PTPRN2: variants seen among roughly 807,000 people sequenced by gnomAD.
PTPRN2 encodes the protein protein tyrosine phosphatase receptor type N2, also known as receptor-type tyrosine-protein phosphatase N2.
A neutral mutation model predicts 118.8 loss-of-function variants in PTPRN2; 74 were observed. That is an observed-to-expected ratio of 0.62 (90% CI 0.52 to 0.76). The LOEUF (loss-of-function observed/expected upper bound fraction) is 0.76, where lower values mean the gene tolerates loss of function less well. Ranked by LOEUF, PTPRN2 falls within the 30% of genes least tolerant of loss-of-function variation. The pLI, the probability that PTPRN2 is intolerant of heterozygous loss-of-function variation, is 0.00. For synonymous variants in PTPRN2, 641 were observed against 608.0 expected (o/e 1.05, Z -0.80); for missense variants, 1,481 against 1,394.4 (o/e 1.06, Z -0.99).
At chr7:158,080,452 C>T (rs1349961040) in intron 11 of PTPRN2, among the ~76,000 whole-genome samples, 3 of 151,586 alleles carry the variant, frequency 2.0e-5, no homozygotes, top group East Asian at 1.9e-4. Context: ...GGAACGGGAG[C>T]ACCCTGCCTG....
At chr7:157,606,958 T>TAA (rs1563255977) in intron 15 of PTPRN2, among the ~76,000 whole-genome samples, 1 of 152,074 alleles carries the variant, frequency 6.6e-6, no homozygotes, top group Non-Finnish European at 1.5e-5. Context: ...TGGGATAAGA[T>TAA]AAAACATCTA....
chr7:158,065,649 A>G (rs963877884), intron 11 of PTPRN2, among the ~76,000 whole-genome samples: 2 of 152,192 alleles, frequency 1.3e-5, no homozygotes, highest in African/African-American at 4.8e-5. Context: ...GTATTTCACA[A>G]CCAGCGGATA....
chr7:158,058,133 C>T (rs151020419), intron 11 of PTPRN2, among the ~76,000 whole-genome samples: 90 of 152,324 alleles, frequency 5.9e-4, no homozygotes, highest in African/African-American at 1.7e-3. Flanking sequence ...ACTCCATCTG[C>T]GCACGGTGAC....
At chr7:158,204,903 G>A (rs1353179302) in intron 4 of PTPRN2, among the ~76,000 whole-genome samples, 1 of 152,124 alleles carries the variant, frequency 6.6e-6, no homozygotes, top group East Asian at 1.9e-4. Flanking sequence ...TTTCGACCAA[G>A]GCCTTGAAGA....
chr7:158,500,612 A>G (rs1006015135), intron 1 of PTPRN2, among the ~76,000 whole-genome samples: 2 of 152,222 alleles, frequency 1.3e-5, no homozygotes, highest in African/African-American at 4.8e-5. Flanking sequence ...ACTATTCCAA[A>G]GGGCCACGCT....
At chr7:157,713,030 G>A (rs1798726461) in intron 12 of PTPRN2, among the ~76,000 whole-genome samples, 1 of 152,200 alleles carries the variant, frequency 6.6e-6, no homozygotes, top group Non-Finnish European at 1.5e-5. Context: ...CTCACACATG[G>A]GCCACACAGA....
chr7:157,983,431 G>A (rs10949678), intron 11 of PTPRN2, among the ~76,000 whole-genome samples: 113,949 of 140,930 alleles, frequency 0.81, 46,423 homozygotes, highest in East Asian at 0.84. Context: ...ATAGAGATGA[G>A]GAGGGGAATG....
At chr7:158,357,280 T>A (rs1027491865) in intron 2 of PTPRN2, among the ~76,000 whole-genome samples, 2 of 152,130 alleles carry the variant, frequency 1.3e-5, no homozygotes, top group African/African-American at 4.8e-5. Flanking sequence ...CTGCGGCAGG[T>A]CTGTGGGTTC....
At chr7:158,532,863 T>C (rs1230671515) in intron 1 of PTPRN2, 3 of 525,712 alleles carry the variant, frequency 5.7e-6, no homozygotes, top group South Asian at 2.8e-5. Flanking sequence ...TGCTGCACTC[T>C]GACGCGCAGA....
chr7:157,701,948 C>A (rs527552276), intron 12 of PTPRN2, among the ~76,000 whole-genome samples: 3 of 147,450 alleles, frequency 2.0e-5, no homozygotes, highest in African/African-American at 7.6e-5. Context: ...AAAGCCCGGT[C>A]GGTGCTGGTG....
intron 11 of PTPRN2, among the ~76,000 whole-genome samples, chr7:157,910,155 C>T (rs567086164): frequency 6.6e-6 from 1 of 152,386 alleles, no homozygotes; most frequent in East Asian, 1.9e-4. Context: ...GGCTGCCAGC[C>T]ATGAGCACGG....
intron 1 of PTPRN2, among the ~76,000 whole-genome samples, chr7:158,580,048 G>A (rs1828543345): frequency 6.6e-6 from 1 of 152,226 alleles, no homozygotes; most frequent in African/African-American, 2.4e-5. Flanking sequence ...GAGATGTGAG[G>A]GACAAAATGG....
At chr7:157,920,911 C>T (rs6957444) in intron 11 of PTPRN2, among the ~76,000 whole-genome samples, 104,064 of 152,110 alleles carry the variant, frequency 0.68, 36,570 homozygotes, top group Admixed American at 0.77. Context: ...AACTGATAGG[C>T]AGGACTTCAT....
At position 157,892,737 on chromosome 7, in the gene PTPRN2, A is replaced by T. The variant is rs539433604; in HGVS notation, c.1788+5936T>A. Among the ~76,000 whole-genome samples, 5 of 152,374 alleles carry T rather than the reference A, an allele frequency of 3.3e-5. No individual in the cohort carries two copies. In the South Asian group the frequency reaches 1.0e-3, roughly 32 times the overall value. ...AAAATCATTAGCTGTTAAATAATTT[A>T]TCAACTTGTACCCCTTTCTCCCATT... On this transcript the variant is annotated intron_variant, in intron 12 of 22. Transcript: ENST00000389418.
rs574628022 is a variant in PTPRN2 at position 157,845,090 on chromosome 7, G to A, written c.1788+53583C>T. On this transcript the variant is annotated intron_variant, in intron 12 of 22. Coordinates refer to ENST00000389418, the MANE Select transcript of PTPRN2 (RefSeq NM_002847.5). The surrounding 1 kb of genome is among the most constrained non-coding windows in gnomAD (Gnocchi z 4.5). ...AGACAAAGGGAGAGGTGAGCACAAGGTCACAGGGACGCAGCCCTGACCTCA... is the reference window on the plus strand; with the variant it reads ...AGACAAAGGGAGAGGTGAGCACAAGATCACAGGGACGCAGCCCTGACCTCA... 3.3e-5 allele frequency among the ~76,000 whole-genome samples: 5 copies of A among 152,294 alleles called. No individual in the cohort carries two copies. The highest frequency in any genetic ancestry group is 2.0e-4 in the Admixed American group (3 of 15,306).
At chr7:157,908,113 G>A (rs950062168) in intron 11 of PTPRN2, among the ~76,000 whole-genome samples, 7 of 152,326 alleles carry the variant, frequency 4.6e-5, no homozygotes, top group East Asian at 3.9e-4. Context: ...ACCGGCCGGC[G>A]TCTCCGCGTG....
At chr7:158,085,296 C>A (rs62649316) in intron 10 of PTPRN2, among the ~76,000 whole-genome samples, 4 of 74,268 alleles carry the variant, frequency 5.4e-5, no homozygotes, top group Admixed American at 1.4e-4. Flanking sequence ...ACACCCACGA[C>A]GCCCATCCAC....
At chr7:158,319,092 A>G (rs920533705) in intron 2 of PTPRN2, among the ~76,000 whole-genome samples, 1 of 152,236 alleles carries the variant, frequency 6.6e-6, no homozygotes, top group Non-Finnish European at 1.5e-5. Flanking sequence ...AAATTATATT[A>G]GACTTTCTTG....
intron 2 of PTPRN2, among the ~76,000 whole-genome samples, chr7:158,362,625 C>CA (rs1306836514): frequency 6.6e-6 from 1 of 152,178 alleles, no homozygotes; most frequent in East Asian, 1.9e-4. Context: ...CCAGGAGCCC[C>CA]AGTTTCTCTG....
Sources: allele counts gnomAD v4.1 joint callset (sites outside exome capture counted in the v4.1 genomes callset), GRCh38; gene constraint gnomAD v4.1.1; non-coding constraint Gnocchi (gnomAD v3.1); transcripts MANE v1.5; gene names NCBI Gene and HGNC (gene_info 2026-07-23, HGNC 2026-07-21).